The following AAK1 variants were observed in gnomAD, a reference collection of about 807,000 sequenced individuals.
The protein encoded by AAK1 is AP2-associated protein kinase 1.
Under a neutral mutation model 116.0 loss-of-function variants are expected in AAK1, and 37 were observed. The ratio of observed to expected loss-of-function variants is 0.32; its 90% CI spans 0.25 to 0.42. AAK1 has a LOEUF of 0.42. Ranked by LOEUF, AAK1 falls within the 10% of genes least tolerant of loss-of-function variation. The probability of loss-of-function intolerance (pLI) is 1.00; values close to 1 mark genes in which losing one functional copy is unlikely to be tolerated. For missense variants in AAK1, 919 were observed against 1,170.6 expected (o/e 0.79, Z 3.14); for synonymous variants, 458 against 439.9 (o/e 1.04, Z -0.51).
chr2:69,521,633 C>G (rs1349666235), intron 10 of AAK1, among the ~76,000 whole-genome samples: 1 of 152,182 alleles, frequency 6.6e-6, no homozygotes, highest in Non-Finnish European at 1.5e-5. Flanking sequence ...ACAGGGTCAC[C>G]CAGAGTAAAA....
At position 69,643,689 on chromosome 2, in the gene AAK1, C is replaced by G; in HGVS notation, c.-349G>C. 8.2e-7 allele frequency: 1 copy of G among 1,220,690 alleles called. No individual in the cohort carries two copies. Among genetic ancestry groups the G allele is most frequent in the Non-Finnish European group, 1.0e-6 (1 of 980,902 alleles). The allele number at this position is 1,220,690 out of a possible 1,614,324, so 75.6% of individuals were successfully genotyped here. A position where few individuals can be genotyped will look rare whatever the true frequency, so the allele number is the denominator to read the frequency against. ...CGCTGCAGCGAGAGCCGGGGCCGCG[C>G]TCGGCTCCCGCCCGCCCGCCAGCTG... On this transcript the variant is annotated 5_prime_UTR_variant, in exon 1 of 22. Transcript: ENST00000409085.
At chr2:69,635,703 A>G (rs1393539084) in intron 2 of AAK1, among the ~76,000 whole-genome samples, 2 of 152,232 alleles carry the variant, frequency 1.3e-5, no homozygotes, top group Non-Finnish European at 2.9e-5. Context: ...CAAATACAGT[A>G]ATATTCCACT....
intron 5 of AAK1, among the ~76,000 whole-genome samples, chr2:69,541,204 A>G (rs1670702869): frequency 6.6e-6 from 1 of 151,366 alleles, no homozygotes; most frequent in African/African-American, 2.4e-5. Flanking sequence ...TAAGTATACT[A>G]GAAACTGCTG....
intron 11 of AAK1, among the ~76,000 whole-genome samples, chr2:69,520,384 G>C (rs1457959725): frequency 1.4e-5 from 2 of 148,146 alleles, no homozygotes; most frequent in African/African-American, 5.0e-5. Context: ...TTTTGAAGCG[G>C]AGTTTCACTC....
rs570625850 is a variant in AAK1 at position 69,589,880 on chromosome 2, C to T, written c.164-32902G>A. Among the ~76,000 whole-genome samples the T allele has an allele frequency of 2.6e-5, 4 of 152,156 alleles. No individual in the cohort carries two copies. The South Asian group carries it at 8.3e-4, about 32-fold the overall frequency. On this transcript the variant is annotated intron_variant, in intron 2 of 21. Coordinates refer to ENST00000409085, the MANE Select transcript of AAK1 (RefSeq NM_014911.5). ...GAGTCAGGCACAGGGAAGTGAGCAG[C>T]TCCTACTTTGTTTTAAGGTAGCTCC...
intron 2 of AAK1, among the ~76,000 whole-genome samples, chr2:69,617,738 C>T (rs984441690): frequency 6.6e-6 from 1 of 152,216 alleles, no homozygotes; most frequent in Admixed American, 6.5e-5. Context: ...CAGCAGCACG[C>T]TGTGCCTGCT....
intron 3 of AAK1, among the ~76,000 whole-genome samples, chr2:69,556,299 T>C (rs1276335405): frequency 1.3e-5 from 2 of 152,230 alleles, no homozygotes; most frequent in Non-Finnish European, 1.5e-5. Context: ...ACAGATAATG[T>C]TGCCTGTTCT....
At chr2:69,633,576 G>T (rs1224824689) in intron 2 of AAK1, among the ~76,000 whole-genome samples, 6 of 149,236 alleles carry the variant, frequency 4.0e-5, no homozygotes, top group Non-Finnish European at 8.9e-5. Flanking sequence ...ACTCCAGCCT[G>T]GCGACAGAAT....
intron 14 of AAK1, 75 bp downstream of exon 14, chr2:69,509,156 A>G (rs1484978690): frequency 1.6e-6 from 2 of 1,271,776 alleles, no homozygotes; most frequent in East Asian, 2.3e-5. Context: ...CACTTATGCA[A>G]AGAATCACAC....
Position 69,465,285 on chromosome 2 carries a change from C to T in AAK1, c.*10584G>A, listed in dbSNP as rs1674450221. 1.4e-6 allele frequency: 1 copy of T among 739,386 alleles called. No individual in the cohort carries two copies. Among genetic ancestry groups the T allele is most frequent in the Non-Finnish European group, 1.9e-6 (1 of 535,082 alleles). 45.8% of individuals were successfully genotyped at this position (739,386 alleles called of 1,614,324 possible). The stretch of plus-strand genomic sequence containing the variant: ...ATATCACTGCAACTGAGTTTGTTGA[C>T]TCAAGAAATTCTGCTCTGACGCAGG... On this transcript the variant is annotated 3_prime_UTR_variant, in exon 22 of 22. Coordinates refer to ENST00000409085, the MANE Select transcript of AAK1 (RefSeq NM_014911.5).
In AAK1 at chr2:69,621,328, G is replaced by C. The variant is rs1290600085; in HGVS notation, c.163+21550C>G. On this transcript the variant is annotated intron_variant, in intron 2 of 21. Coordinates refer to ENST00000409085, the MANE Select transcript of AAK1 (RefSeq NM_014911.5). ...CTGTCTCTAACAAAAATACAAAAAA[G>C]ATTAGCCGGGCTTGGTGGTGTGCAC... 1.1e-4 allele frequency among the ~76,000 whole-genome samples: 16 copies of C among 152,190 alleles called. No homozygotes were observed. In the East Asian group the frequency reaches 3.1e-3, roughly 29 times the overall value.
intron 10 of AAK1, among the ~76,000 whole-genome samples, chr2:69,523,695 G>C (rs904789650): frequency 2.1e-4 from 32 of 152,348 alleles, no homozygotes; most frequent in Admixed American, 6.5e-5. Context: ...CCAATGCTCA[G>C]CTGCTGCATT....
At chr2:69,609,268 T>A (rs1019868954) in intron 2 of AAK1, among the ~76,000 whole-genome samples, 10 of 151,778 alleles carry the variant, frequency 6.6e-5, no homozygotes, top group African/African-American at 2.4e-4. Context: ...GAGGCTGAGG[T>A]GGGAGAATCA....
Position 69,476,983 on chromosome 2 carries a change from T to C in AAK1, c.2688A>G (p.Glu896=). ...AISAPVHKAA[E]DSNLISGFDV... is the part of the protein sequence containing the mutation. ...CAAAACCTGAGATGAGATTACTATC[T>C]TCTGCAGCTTAATACAGAATGCAAG... The change falls in exon 21 of 22, where the codon GAA becomes GAG. Residue 896 remains glutamate, a synonymous_variant. Transcript: ENST00000409085. 6.2e-7 allele frequency: 1 copy of C among 1,609,544 alleles called. No homozygotes were observed. Among genetic ancestry groups the C allele is most frequent in the Non-Finnish European group, 8.5e-7 (1 of 1,177,108 alleles).
chr2:69,517,815 A>G (rs890998269), intron 12 of AAK1, among the ~76,000 whole-genome samples: 8 of 150,400 alleles, frequency 5.3e-5, no homozygotes, highest in Non-Finnish European at 8.9e-5. Flanking sequence ...GAACCTATGG[A>G]TAAAAGGGGA....
chr2:69,479,788 C>T (rs891373153), intron 19 of AAK1, among the ~76,000 whole-genome samples: 2 of 152,216 alleles, frequency 1.3e-5, no homozygotes, highest in African/African-American at 4.8e-5. Flanking sequence ...CGGAGTCTCG[C>T]TCCAGCTCCC....
At chr2:69,607,933 A>G (rs1646612357) in intron 2 of AAK1, among the ~76,000 whole-genome samples, 1 of 152,222 alleles carries the variant, frequency 6.6e-6, no homozygotes, top group South Asian at 2.1e-4. Context: ...AGGGGAACAC[A>G]TGTCTCCTGC....
chr2:69,633,008 G>A (rs559314805), intron 2 of AAK1, among the ~76,000 whole-genome samples: 1 of 151,772 alleles, frequency 6.6e-6, no homozygotes, highest in South Asian at 2.1e-4. Flanking sequence ...ACTACAGCCT[G>A]GGTGACAGAG....
chr2:69,527,588 A>G (rs533614348), intron 8 of AAK1, among the ~76,000 whole-genome samples: 9 of 152,186 alleles, frequency 5.9e-5, no homozygotes, highest in Non-Finnish European at 1.2e-4. Flanking sequence ...AGAGGGACTC[A>G]AGCTCTCAAT....
Sources: gnomAD v4.1 joint callset for allele counts (sites outside exome capture counted in the v4.1 genomes callset) on GRCh38, gnomAD v4.1.1 for gene constraint, MANE v1.5 for transcripts, NCBI Gene and HGNC (gene_info 2026-07-23, HGNC 2026-07-21) for gene names.